The following PLB1 variants were observed in gnomAD, a reference collection of about 807,000 sequenced individuals.
PLB1 encodes the protein phospholipase B1, membrane-associated.
Under a neutral mutation model 227.4 loss-of-function variants are expected in PLB1, and 242 were observed. The observed-to-expected ratio is 1.06, with a 90% CI of 0.96 to 1.18. PLB1 has a LOEUF of 1.18. PLB1 is among the 50% of genes most tolerant of loss of function. The probability of loss-of-function intolerance (pLI) is 0.00; values close to 1 mark genes in which losing one functional copy is unlikely to be tolerated. For missense variants in PLB1, 1,858 were observed against 1,816.3 expected (o/e 1.02, Z -0.42); for synonymous variants, 757 against 682.2 (o/e 1.11, Z -1.71).
chr2:28,600,947 A>G, intron 36 of PLB1, 87 bp downstream of exon 36: 1 of 1,227,020 alleles, frequency 8.1e-7, no homozygotes, highest in South Asian at 1.3e-5. Flanking sequence ...TCTGAAAAGC[A>G]GTGAGCCCCA....
intron 16 of PLB1, among the ~76,000 whole-genome samples, chr2:28,550,936 G>A (rs542188659): frequency 2.0e-5 from 3 of 152,292 alleles, no homozygotes; most frequent in Non-Finnish European, 4.4e-5. Flanking sequence ...CAGGCTGGGG[G>A]AGGGAGAAGG....
At chr2:28,602,991 G>A in intron 39 of PLB1, 70 bp downstream of exon 39, 1 of 1,341,056 alleles carries the variant, frequency 7.5e-7, no homozygotes, top group South Asian at 1.2e-5. Flanking sequence ...ATGCAGTGGT[G>A]ATGCCTCAGG....
At chr2:28,601,646 AAGG>A (rs986368285) in intron 37 of PLB1, among the ~76,000 whole-genome samples, 3 of 152,326 alleles carry the variant, frequency 2.0e-5, no homozygotes, top group African/African-American at 7.2e-5. Context: ...AAGCAATTGG[AAGG>A]AGGAGTCTCC....
Position 28,604,035 on chromosome 2 carries a change from C to T in PLB1, c.2844C>T (p.Ser948=), listed in dbSNP as rs1380732267. The T allele has an allele frequency of 6.2e-7, 1 of 1,613,898 alleles. No homozygotes were observed. The highest frequency in any genetic ancestry group is 8.5e-7 in the Non-Finnish European group (1 of 1,179,720). ...SQELARLEAF[S]RAYRSSMREL... ...AGCTAGCCAGGCTGGAGGCCTTCAG[C>T]CGAGCCTACCGGGTAAGACCAAGAA... The change falls in exon 40 of 58, where the codon AGC becomes AGT. Residue 948 remains serine, a synonymous_variant. Transcript: ENST00000327757.
chr2:28,525,124 TA>T (rs1315253699), intron 4 of PLB1, 142 bp from the exon 5 acceptor site: 38 of 690,384 alleles, frequency 5.5e-5, no homozygotes, highest in African/African-American at 1.3e-4. Context: ...GTGCTGGGAT[TA>T]CAGGTGTGAG....
chr2:28,619,466 G>T (rs986893315), intron 46 of PLB1, among the ~76,000 whole-genome samples: 1 of 149,770 alleles, frequency 6.7e-6, no homozygotes, highest in Admixed American at 6.6e-5. Context: ...TAGATTATTC[G>T]TTTGTTTAAA....
chr2:28,590,128 C>G, intron 29 of PLB1, 52 bp downstream of exon 29: 3 of 1,467,772 alleles, frequency 2.0e-6, no homozygotes, highest in Non-Finnish European at 2.9e-6. Flanking sequence ...GGCTTCTTGG[C>G]TCATTTCATC....
chr2:28,565,312 C>T lies in PLB1; in HGVS notation c.1239C>T (p.Asn413=), dbSNP rs908322289. 12 of 1,611,638 alleles carry T rather than the reference C, an allele frequency of 7.4e-6. No homozygotes were observed. Among genetic ancestry groups the T allele is most frequent in the South Asian group, 6.7e-5 (6 of 90,078 alleles). The change falls in exon 19 of 58, where the codon AAC becomes AAT. Residue 413 remains asparagine (N), a synonymous_variant. Transcript: ENST00000327757. ...AGNGAGSTPG[N]VLDVLTQYRG... ...ATGGGGCCGGGTCCACACCTGGGAA[C>T]GTCTTGGACGTCTTGACTCAGTACC... is the stretch of plus-strand genomic sequence containing the variant.
In PLB1 at chr2:28,563,052, A is replaced by T; in HGVS notation, c.1159A>T (p.Lys387Ter). The T allele has an allele frequency of 6.2e-7, 1 of 1,613,870 alleles. No homozygotes were observed. The highest frequency in any genetic ancestry group is 8.5e-7 in the Non-Finnish European group (1 of 1,179,766). Residue 387 changes from lysine (K) to a stop codon, truncating the protein, a stop_gained, in exon 18 of 58, where the codon AAG (lysine) becomes TAG (stop). Coordinates refer to ENST00000327757, the MANE Select transcript of PLB1 (RefSeq NM_153021.5). LOFTEE classifies it high-confidence loss of function. ...GCTTATATTCTTAGTTCATAGGCTG[A>T]AGCCGGCTGACATCAACGTAATTGG... is the stretch of plus-strand genomic sequence containing the variant. Reference protein sequence around the residue: ...DTVPTSVHRLKPADINVIGAL... With the variant: ...DTVPTSVHRL
At chr2:28,500,437 T>G (rs370397310) in intron 1 of PLB1, among the ~76,000 whole-genome samples, 2 of 152,322 alleles carry the variant, frequency 1.3e-5, no homozygotes, top group East Asian at 3.9e-4. Flanking sequence ...TGTGAGACTG[T>G]GTGATTACCC....
At chr2:28,553,078 C>T (rs1674504099) in intron 17 of PLB1, 87 bp downstream of exon 17, 1 of 1,167,702 alleles carries the variant, frequency 8.6e-7, no homozygotes, top group Admixed American at 1.8e-5. Flanking sequence ...CTGAAATACT[C>T]CCGAGTGGTT....
rs577437243 is a variant in PLB1 at position 28,511,424 on chromosome 2, A to C, written c.56-5384A>C. Among the ~76,000 whole-genome samples, 3 of 152,322 alleles carry C rather than the reference A, an allele frequency of 2.0e-5. No homozygotes were observed. In the South Asian group the frequency reaches 6.2e-4, roughly 32 times the overall value. ...TAGTTGGCTGGTCTCCAGTTTGTACAGTAAATATTATTTTAGGTTTACCTA... is the reference window on the plus strand; with the variant it reads ...TAGTTGGCTGGTCTCCAGTTTGTACCGTAAATATTATTTTAGGTTTACCTA... On this transcript the variant is annotated intron_variant, in intron 1 of 57. Transcript: ENST00000327757.
chr2:28,642,334 A>G (rs1025513241), intron 57 of PLB1, among the ~76,000 whole-genome samples: 12 of 125,942 alleles, frequency 9.5e-5, no homozygotes, highest in African/African-American at 3.5e-4. Flanking sequence ...CCCAATTCAC[A>G]TTCACTGAGA....
intron 6 of PLB1, among the ~76,000 whole-genome samples, chr2:28,528,941 CTTTTTTT>C (rs201087238): frequency 2.9e-4 from 32 of 109,432 alleles, no homozygotes; most frequent in Admixed American, 9.0e-4. Flanking sequence ...GGGAGTCAGT[CTTTTTTT>C]TTTTTTTTTT....
In PLB1 at chr2:28,624,975, T is replaced by G. The variant is rs1687540455; in HGVS notation, c.3528-82T>G. 4 of 1,318,714 alleles carry G rather than the reference T, an allele frequency of 3.0e-6. No homozygotes were observed. The Admixed American group carries it at 7.0e-5, about 23-fold the overall frequency. The allele number at this position is 1,318,714 out of a possible 1,614,324, so 81.7% of individuals were successfully genotyped here. On this transcript the variant is annotated intron_variant, in intron 49 of 57. Coordinates refer to ENST00000327757, the MANE Select transcript of PLB1 (RefSeq NM_153021.5). ...GTAACATCATTCTTCTTGAAACACC[T>G]CTCTTCCTAGGCCAAAATCCCATGT...
In PLB1 at chr2:28,583,238, T is replaced by G. The variant is rs144127984; in HGVS notation, c.1733+733T>G. ...TCTCGCTCTGTTGCCTAGGCTGGAG[T>G]GCAGTGGCATGATCTTGGCTCACTG... On this transcript the variant is annotated intron_variant, in intron 25 of 57. Transcript: ENST00000327757. Among the ~76,000 whole-genome samples, 229 of 151,546 alleles carry G rather than the reference T, an allele frequency of 1.5e-3. 5 individuals are homozygous for G. Among genetic ancestry groups the G allele is most frequent in the Admixed American group, 0.011 (171 of 15,196 alleles).
chr2:28,642,413 C>T (rs1415119190), intron 57 of PLB1, among the ~76,000 whole-genome samples: 2 of 152,206 alleles, frequency 1.3e-5, no homozygotes, highest in South Asian at 2.1e-4. Context: ...CCTCCCGGCC[C>T]TTCTGATTTG....
chr2:28,624,202 C>T (rs1384683409), intron 49 of PLB1, among the ~76,000 whole-genome samples: 3 of 152,198 alleles, frequency 2.0e-5, no homozygotes, highest in South Asian at 2.1e-4. Context: ...TTGGTAATCT[C>T]TCCCTCCTGC....
At chr2:28,520,988 C>T (rs1406588819) in intron 4 of PLB1, among the ~76,000 whole-genome samples, 1 of 152,054 alleles carries the variant, frequency 6.6e-6, no homozygotes, top group African/African-American at 2.4e-5. Context: ...AAAAACAAAA[C>T]AAAAAAGAAA....
Sources: allele counts gnomAD v4.1 joint callset (sites outside exome capture counted in the v4.1 genomes callset), GRCh38; gene constraint gnomAD v4.1.1; transcripts MANE v1.5; gene names NCBI Gene and HGNC (gene_info 2026-07-23, HGNC 2026-07-21).